Variants in MRPL1 observed in about 807,000 individuals in gnomAD.
MRPL1 encodes mitochondrial ribosomal protein L1.
A neutral mutation model predicts 38.0 loss-of-function variants in MRPL1; 28 were observed. The ratio of observed to expected loss-of-function variants is 0.74; its 90% CI spans 0.55 to 1.01. The LOEUF (loss-of-function observed/expected upper bound fraction) is 1.01. MRPL1 is among the 50% of genes least tolerant of loss of function. The probability of loss-of-function intolerance (pLI) is 0.00; values close to 1 mark genes in which losing one functional copy is unlikely to be tolerated. For synonymous variants in MRPL1, 123 were observed against 126.7 expected, an observed-to-expected ratio of 0.97 and a Z score of 0.20; for missense variants, 358 against 389.8, an observed-to-expected ratio of 0.92 and a Z score of 0.69.
intron 7 of MRPL1, among the ~76,000 whole-genome samples, chr4:77,909,671 T>C (rs1736242826): frequency 2.0e-5 from 3 of 152,186 alleles, no homozygotes; most frequent in Admixed American, 6.5e-5. Flanking sequence ...TTTAAGCTTA[T>C]TGAGAATAGG....
intron 5 of MRPL1, among the ~76,000 whole-genome samples, chr4:77,892,296 T>C (rs1735826135): frequency 6.6e-6 from 1 of 151,988 alleles, no homozygotes; most frequent in South Asian, 2.1e-4. Context: ...CACGCCCAGC[T>C]AATTTTTTTT....
At chr4:77,936,166 G>A (rs1052965756) in intron 7 of MRPL1, among the ~76,000 whole-genome samples, 10 of 137,556 alleles carry the variant, frequency 7.3e-5, no homozygotes, top group African/African-American at 1.4e-4. Context: ...CTGTATGGAC[G>A]TATTTTTTTT....
intron 4 of MRPL1, among the ~76,000 whole-genome samples, chr4:77,886,652 AT>A (rs1156755641): frequency 1.3e-5 from 2 of 150,278 alleles, no homozygotes; most frequent in Non-Finnish European, 3.0e-5. Context: ...AATTTTTAAT[AT>A]TTTTTTGTAG....
intron 5 of MRPL1, among the ~76,000 whole-genome samples, chr4:77,891,730 G>T (rs1164617669): frequency 6.6e-6 from 1 of 152,206 alleles, no homozygotes. Flanking sequence ...TGGTAATAGA[G>T]CAGAAAGTGT....
intron 7 of MRPL1, among the ~76,000 whole-genome samples, chr4:77,935,296 A>C (rs1736939992): frequency 6.6e-6 from 1 of 152,172 alleles, no homozygotes; most frequent in Non-Finnish European, 1.5e-5. Flanking sequence ...AACTTAAAAA[A>C]TATATAAACA....
chr4:77,891,350 T>G (rs1259681251), intron 5 of MRPL1, among the ~76,000 whole-genome samples: 3 of 131,884 alleles, frequency 2.3e-5, no homozygotes, highest in South Asian at 2.3e-4. Flanking sequence ...GTTTTTTTTG[T>G]TTTTTTTTTT....
intron 6 of MRPL1, among the ~76,000 whole-genome samples, chr4:77,902,082 G>A (rs1469262630): frequency 1.3e-5 from 2 of 152,122 alleles, no homozygotes; most frequent in East Asian, 3.8e-4. Flanking sequence ...AAATGAAAAA[G>A]CCCACTAGTA....
chr4:77,946,525 A>G (rs1737274655), intron 7 of MRPL1, among the ~76,000 whole-genome samples: 1 of 152,226 alleles, frequency 6.6e-6, no homozygotes, highest in Admixed American at 6.5e-5. Context: ...GGAACTGATA[A>G]ATGTCCATGA....
intron 5 of MRPL1, among the ~76,000 whole-genome samples, chr4:77,889,906 T>C (rs1358676474): frequency 6.6e-6 from 1 of 152,108 alleles, no homozygotes; most frequent in African/African-American, 2.4e-5. Context: ...CCTGGACATA[T>C]ACACCCTCCC....
Position 77,952,669 on chromosome 4 carries a change from A to C in MRPL1, c.*62A>C. The C allele has an allele frequency of 9.7e-7, 1 of 1,034,042 alleles. No homozygotes were observed. The highest frequency in any genetic ancestry group is 1.6e-5 in the African/African-American group (1 of 61,378). 64.1% of individuals were successfully genotyped at this position (1,034,042 alleles called of 1,614,324 possible). ...GAAGCAATGGAGAAAATGATAATAC[A>C]GCATAATTTTTACATTTGATGTCTT... On this transcript the variant is annotated 3_prime_UTR_variant, in exon 9 of 9. Transcript: ENST00000315567.
chr4:77,887,159 C>T (rs973803268), intron 4 of MRPL1, 61 bp from the exon 5 acceptor site: 10 of 1,292,380 alleles, frequency 7.7e-6, no homozygotes, highest in Non-Finnish European at 1.0e-5. Context: ...CAACATACTT[C>T]AAAGCAGACT....
At chr4:77,950,142 C>T (rs1737372839) in intron 8 of MRPL1, among the ~76,000 whole-genome samples, 1 of 152,058 alleles carries the variant, frequency 6.6e-6, no homozygotes, top group Non-Finnish European at 1.5e-5. Flanking sequence ...ATAGATGTAG[C>T]AAAGTTTGAA....
intron 6 of MRPL1, among the ~76,000 whole-genome samples, chr4:77,898,571 A>C (rs977670994): frequency 6.6e-6 from 1 of 151,512 alleles, no homozygotes; most frequent in African/African-American, 2.4e-5. Flanking sequence ...GCTCACTGCA[A>C]CCTCCCCTTC....
chr4:77,885,349 T>C lies in MRPL1; in HGVS notation c.486+10T>C. ...TGCTGTATTTACAGAGGTGAGTAACTTCCGTCAACTATTTATATCATTTAA... is the reference window on the plus strand; with the variant it reads ...TGCTGTATTTACAGAGGTGAGTAACCTCCGTCAACTATTTATATCATTTAA... On this transcript the variant is annotated intron_variant, in intron 4 of 8. Transcript: ENST00000315567. 6.3e-7 allele frequency: 1 copy of C among 1,593,536 alleles called. No homozygotes were observed. Among genetic ancestry groups the C allele is most frequent in the Non-Finnish European group, 8.6e-7 (1 of 1,161,430 alleles).
chr4:77,898,173 T>G (rs186254079), intron 6 of MRPL1, among the ~76,000 whole-genome samples: 39 of 152,306 alleles, frequency 2.6e-4, no homozygotes, highest in African/African-American at 9.1e-4. Flanking sequence ...CCATCCTATA[T>G]AAAATATTAC....
At chr4:77,867,116 T>TA (rs758392236) in intron 1 of MRPL1, among the ~76,000 whole-genome samples, 12 of 152,188 alleles carry the variant, frequency 7.9e-5, no homozygotes, top group African/African-American at 2.9e-4. Flanking sequence ...TTTCCACTGA[T>TA]ACAATCCCTT....
intron 6 of MRPL1, among the ~76,000 whole-genome samples, chr4:77,900,401 G>C (rs116413709): frequency 0.016 from 2,413 of 152,272 alleles, 24 homozygotes; most frequent in Non-Finnish European, 0.025. Flanking sequence ...AAGTTTATTG[G>C]TAGAAAATGT....
chr4:77,906,681 A>G (rs1299787175), intron 6 of MRPL1, among the ~76,000 whole-genome samples: 4 of 152,260 alleles, frequency 2.6e-5, no homozygotes, highest in Non-Finnish European at 5.9e-5. Flanking sequence ...GTCACTAAAT[A>G]ATTCTTGAGC....
chr4:77,883,104 A>C lies in MRPL1; in HGVS notation c.144-138A>C, dbSNP rs190100681. 207 of 577,206 alleles carry C rather than the reference A, an allele frequency of 3.6e-4. 1 individual carries two copies. In the African/African-American group the frequency reaches 3.7e-3, roughly 10 times the overall value. The allele number at this position is 577,206 out of a possible 1,614,324, so 35.8% of individuals were successfully genotyped here. On this transcript the variant is annotated intron_variant, in intron 2 of 8. Transcript: ENST00000315567. ...ACTTCATGTTTGTTGAATTAGAAAA[A>C]CTGTAAAGCAGTCTATGCTTTTGAA...
Sources: gnomAD v4.1 joint callset for allele counts (sites outside exome capture counted in the v4.1 genomes callset) on GRCh38, gnomAD v4.1.1 for gene constraint, MANE v1.5 for transcripts, NCBI Gene and HGNC (gene_info 2026-07-23, HGNC 2026-07-21) for gene names.